RAB33A: variants seen among roughly 807,000 people sequenced by gnomAD.
RAB33A encodes the protein ras-related protein Rab-33A.
A neutral mutation model predicts 12.0 loss-of-function variants in RAB33A; 6 were observed. The observed-to-expected ratio is 0.50, with a 90% CI of 0.27 to 0.99. RAB33A has a LOEUF of 0.99. Among genes scored for constraint, RAB33A ranks in the 50% least tolerant of loss-of-function variants. The probability of loss-of-function intolerance (pLI) is 0.11; values close to 1 mark genes in which losing one functional copy is unlikely to be tolerated. For missense variants in RAB33A, 109 were observed against 192.0 expected (o/e 0.57, Z 2.55); for synonymous variants, 70 against 82.4 (o/e 0.85, Z 0.81).
At chrX:130,153,979 T>C in the RAB33A span, among the ~76,000 whole-genome samples, 4 of 112,561 alleles carry the variant, frequency 3.6e-5, no homozygotes, top group Non-Finnish European at 5.6e-5. Flanking sequence ...TTTAAGTTCA[T>C]AGTTCTCTTG....
At chrX:130,168,303 C>T (rs2124683894), upstream of RAB33A, among the ~76,000 whole-genome samples, 1 of 108,027 alleles carries the variant, frequency 9.3e-6, no homozygotes, top group South Asian at 4.2e-4. Flanking sequence ...CAACTTCTGC[C>T]TCCCAGGTTC....
the RAB33A span, chrX:130,131,781 A>G: frequency 2.5e-6 from 3 of 1,211,713 alleles, no homozygotes; most frequent in South Asian, 3.5e-5. Context: ...CATAGCCAAC[A>G]TCGGGGCCCA....
chrX:130,155,135 G>A, the RAB33A span: 1 of 1,209,678 alleles, frequency 8.3e-7, no homozygotes, highest in Non-Finnish European at 1.1e-6. Context: ...CCCAAAATAT[G>A]TTTTAGTGTA....
At chrX:130,136,848 T>G in the RAB33A span, 65 of 1,011,746 alleles carry the variant, frequency 6.4e-5, no homozygotes, top group African/African-American at 1.0e-3. Context: ...ACACAGGCAG[T>G]TTTGGAGAGC....
the RAB33A span, among the ~76,000 whole-genome samples, chrX:130,153,457 GTTATAC>G: frequency 2.1e-3 from 234 of 110,271 alleles, no homozygotes; most frequent in African/African-American, 6.7e-3. Flanking sequence ...CAAAGTAATA[GTTATAC>G]TTAAGTTAGG....
At chrX:130,164,910 T>C in the RAB33A span, among the ~76,000 whole-genome samples, 1 of 111,185 alleles carries the variant, frequency 9.0e-6, no homozygotes, top group Non-Finnish European at 1.9e-5. Context: ...TAAAATTTGA[T>C]GAAACAACTT....
the RAB33A span, among the ~76,000 whole-genome samples, chrX:130,116,355 G>A: frequency 2.7e-5 from 3 of 110,651 alleles, no homozygotes; most frequent in African/African-American, 9.9e-5. Context: ...GTGCAGTGGC[G>A]GGATCTTGGC....
At chrX:130,129,510 C>T in the RAB33A span, 1 of 1,116,132 alleles carries the variant, frequency 9.0e-7, no homozygotes, top group Non-Finnish European at 1.2e-6. Flanking sequence ...ACCCATTCGA[C>T]CTCCTCTCAG....
chrX:130,141,818 G>T, the RAB33A span, among the ~76,000 whole-genome samples: 1 of 111,673 alleles, frequency 9.0e-6, no homozygotes, highest in Non-Finnish European at 1.9e-5. Flanking sequence ...TCTACTTGTT[G>T]GTCACAATTT....
At chrX:130,133,588 A>G in the RAB33A span, 1 of 855,370 alleles carries the variant, frequency 1.2e-6, no homozygotes, top group African/African-American at 2.1e-5. Flanking sequence ...TACAGGCCAG[A>G]GTTGTACTTA....
the RAB33A span, among the ~76,000 whole-genome samples, chrX:130,158,433 A>G: frequency 1.8e-5 from 2 of 111,117 alleles, no homozygotes; most frequent in Non-Finnish European, 3.8e-5. Context: ...CAATGCCCTG[A>G]AGGTTTTATA....
At chrX:130,156,564 TGGA>T in the RAB33A span, 5 of 1,211,852 alleles carry the variant, frequency 4.1e-6, no homozygotes, top group Non-Finnish European at 5.6e-6. Flanking sequence ...TCTTGTCATC[TGGA>T]GTTCTAGAGG....
the RAB33A span, chrX:130,139,810 T>C: frequency 8.3e-7 from 1 of 1,210,643 alleles, no homozygotes. Context: ...TGAAAAGCGT[T>C]GTTCTACTCT....
At chrX:130,136,650 C>T in the RAB33A span, 3 of 1,207,346 alleles carry the variant, frequency 2.5e-6, no homozygotes, top group Non-Finnish European at 3.4e-6. Context: ...TACCTTCCTG[C>T]CGTCTTTCAG....
intron 1 of RAB33A, among the ~76,000 whole-genome samples, chrX:130,172,607 C>T (rs1368229416): frequency 8.9e-6 from 1 of 111,929 alleles, no homozygotes; most frequent in African/African-American, 3.2e-5. Flanking sequence ...CATCCATGAC[C>T]CCTACCCCGA....
chrX:130,158,227 G>A, the RAB33A span, among the ~76,000 whole-genome samples: 1 of 111,023 alleles, frequency 9.0e-6, no homozygotes, highest in African/African-American at 3.3e-5. Flanking sequence ...TTGTGCCATC[G>A]CACTCCAGAC....
the RAB33A span, among the ~76,000 whole-genome samples, chrX:130,115,707 A>G: frequency 2.9e-5 from 2 of 69,588 alleles, no homozygotes; most frequent in Admixed American, 1.5e-4. Context: ...AAGGAGAAAG[A>G]AAAAAGAAAG....
chrX:130,120,581 C>T, the RAB33A span, among the ~76,000 whole-genome samples: 3 of 112,329 alleles, frequency 2.7e-5, no homozygotes, highest in Admixed American at 9.4e-5. Flanking sequence ...AGTTAGGAGC[C>T]GCCCGGGGCT....
At chrX:130,146,656 G>A in the RAB33A span, among the ~76,000 whole-genome samples, 1 of 110,611 alleles carries the variant, frequency 9.0e-6, no homozygotes, top group Non-Finnish European at 1.9e-5. Context: ...CAAAGAACAT[G>A]GTACTAGAAT....
Sources: allele counts gnomAD v4.1 joint callset (sites outside exome capture counted in the v4.1 genomes callset), GRCh38; gene constraint gnomAD v4.1.1; transcripts MANE v1.5; gene names NCBI Gene and HGNC (gene_info 2026-07-23, HGNC 2026-07-21).